The following KIDINS220 variants were observed in gnomAD, a reference collection of about 807,000 sequenced individuals.
KIDINS220 encodes the protein kinase D-interacting substrate of 220 kDa.
A neutral mutation model predicts 157.6 loss-of-function variants in KIDINS220; 63 were observed. The observed-to-expected ratio is 0.40, with a 90% CI of 0.33 to 0.49. KIDINS220 has a LOEUF of 0.49. Ranked by LOEUF, KIDINS220 falls within the 20% of genes least tolerant of loss-of-function variation. KIDINS220 has a pLI of 0.66. For missense variants in KIDINS220, 1,772 were observed against 2,171.2 expected (o/e 0.82, Z 3.65); for synonymous variants, 732 against 783.6 (o/e 0.93, Z 1.10).
In KIDINS220 at chr2:8,814,966, C is replaced by T. The variant is rs140698907; in HGVS notation, c.307-1631G>A. Among the ~76,000 whole-genome samples, 147 of 152,308 alleles carry T rather than the reference C, an allele frequency of 9.7e-4. No individual in the cohort carries two copies. In the East Asian group the frequency reaches 0.018, roughly 19 times the overall value. On this transcript the variant is annotated intron_variant, in intron 4 of 29. Coordinates refer to ENST00000256707, the MANE Select transcript of KIDINS220 (RefSeq NM_020738.4). ...TCTAAAATTACTGATGAGTACTCCT[C>T]TAAAGTGTCAAGGCCACAAAAGACA...
intron 26 of KIDINS220, among the ~76,000 whole-genome samples, chr2:8,744,140 ATAT>A (rs1666017856): frequency 6.9e-6 from 1 of 145,306 alleles, no homozygotes; most frequent in African/African-American, 2.5e-5. Context: ...AATATGTTAT[ATAT>A]TAATATAATT....
In KIDINS220 at chr2:8,813,302, T is replaced by C. The variant is rs1676588489; in HGVS notation, c.340A>G (p.Lys114Glu). ...AACTCTACTACGTCAGTACGGCCTT[T>C]GTAACATGCCCACATAAGAGCTGTC... is the stretch of plus-strand genomic sequence containing the variant. ...GWTALMWACYKGRTDVVELLL... is the reference protein window; with the variant it reads ...GWTALMWACYEGRTDVVELLL... The change falls in exon 5 of 30, where the codon AAA becomes GAA. Residue 114 changes from lysine (K) to glutamate (E), a missense_variant. Transcript: ENST00000256707. 1.2e-6 allele frequency: 2 copies of C among 1,613,332 alleles called. No homozygotes were observed. Among genetic ancestry groups the C allele is most frequent in the African/African-American group, 1.3e-5 (1 of 74,880 alleles).
At chr2:8,808,056 G>A (rs551058365) in intron 6 of KIDINS220, among the ~76,000 whole-genome samples, 3 of 152,118 alleles carry the variant, frequency 2.0e-5, no homozygotes, top group African/African-American at 7.2e-5. Flanking sequence ...CCTAAGAGGT[G>A]GAGGTCGCAA....
Position 8,778,998 on chromosome 2 carries a change from C to T in KIDINS220, c.2512G>A (p.Val838Ile), listed in dbSNP as rs1671341558. ...CTATTAAGGAACACAGGCAAGTGGACTATGTTGCGCATGTAGTCATGGCCA... is the reference window on the plus strand; with the variant it reads ...CTATTAAGGAACACAGGCAAGTGGATTATGTTGCGCATGTAGTCATGGCCA... ...INGHDYMRNI[V>I]HLPVFLNSRG... is the part of the protein sequence containing the mutation. Residue 838 changes from valine to isoleucine, a missense_variant, in exon 19 of 30, where the codon GTC (valine) becomes ATC (isoleucine). Around this residue, in one of 3 missense-constraint regions of KIDINS220, gnomAD observed 725 missense variants for 1,017.1 expected, o/e 0.71. Coordinates refer to ENST00000256707, the MANE Select transcript of KIDINS220 (RefSeq NM_020738.4). 6.2e-7 allele frequency: 1 copy of T among 1,614,122 alleles called. No individual in the cohort carries two copies. Among genetic ancestry groups the T allele is most frequent in the Non-Finnish European group, 8.5e-7 (1 of 1,180,016 alleles).
At chr2:8,747,441 G>T in intron 25 of KIDINS220, 1 of 538,940 alleles carries the variant, frequency 1.9e-6, no homozygotes, top group Non-Finnish European at 3.3e-6. Context: ...ATAGTTCATT[G>T]GAAGAATTTC....
rs1558341425 is a variant in KIDINS220, at chr2:8,750,318, C to T, written c.3208G>A (p.Glu1070Lys). 1 of 1,577,826 alleles carries T rather than the reference C, an allele frequency of 6.3e-7. No homozygotes were observed. The highest frequency in any genetic ancestry group is 8.6e-7 in the Non-Finnish European group (1 of 1,158,396). ...EIIADVRAAR[E>K]QISIGGLAYP... Reference sequence around the variant, plus strand: ...GCCAGTCCTCCAATACTGATCTGCTCTCTGGCAGCACGAACATCTGAAAGA... The same window carrying T: ...GCCAGTCCTCCAATACTGATCTGCTTTCTGGCAGCACGAACATCTGAAAGA... Residue 1070 changes from glutamate (E) to lysine (K), a missense_variant, in exon 24 of 30, where the codon GAG becomes AAG. Glu to Lys is a moderately conservative substitution (Grantham distance 56). Coordinates refer to ENST00000256707, the MANE Select transcript of KIDINS220 (RefSeq NM_020738.4).
At chr2:8,833,713 A>G (rs879338498) in intron 1 of KIDINS220, among the ~76,000 whole-genome samples, 2 of 152,242 alleles carry the variant, frequency 1.3e-5, no homozygotes, top group African/African-American at 2.4e-5. Context: ...TAATGGGAAT[A>G]TAAGGCTATA....
In KIDINS220 at chr2:8,786,239, G is replaced by C. The variant is rs6758815; in HGVS notation, c.1906C>G (p.Leu636Val). ...TCTTCAGTCTTGAATACTCGAAAAA[G>C]CCTGGTTGCCAAAAAGCCAAACTCT... ...EREFGFLATR[L>V]FRVFKTEDTQ... The change falls in exon 16 of 30, where the codon CTT (leucine) becomes GTT (valine). Residue 636 changes from leucine to valine, a missense_variant. Around this residue, in one of 3 missense-constraint regions of KIDINS220, gnomAD observed 725 missense variants for 1,017.1 expected, o/e 0.71. Coordinates refer to ENST00000256707, the MANE Select transcript of KIDINS220 (RefSeq NM_020738.4). 4 of 1,613,948 alleles carry C rather than the reference G, an allele frequency of 2.5e-6. No homozygotes were observed. The East Asian group carries it at 6.7e-5, about 27-fold the overall frequency.
chr2:8,785,906 A>G lies in KIDINS220; in HGVS notation c.2064T>C (p.Thr688=). 4 of 1,614,194 alleles carry G rather than the reference A, an allele frequency of 2.5e-6. No individual in the cohort carries two copies. The African/African-American group carries it at 5.3e-5, about 22-fold the overall frequency. The change falls in exon 17 of 30, where the codon ACT becomes ACC. Residue 688 remains threonine, a synonymous_variant. Coordinates refer to ENST00000256707, the MANE Select transcript of KIDINS220 (RefSeq NM_020738.4). ...CGATTGATATGAGGACAGCATTTAC[A>G]GTCAGATGCTTTGGGTCAACTCTAA... The part of the protein sequence containing the change: ...AIFRVDPKHL[T]VNAVLISIAS...
At chr2:8,820,889 G>A (rs2148410027) in intron 2 of KIDINS220, among the ~76,000 whole-genome samples, 1 of 152,288 alleles carries the variant, frequency 6.6e-6, no homozygotes, top group East Asian at 1.9e-4. Flanking sequence ...CTATAGAACT[G>A]TTCTCCCTTC....
Position 8,788,828 on chromosome 2 carries a change from T to G in KIDINS220, c.1622-16A>C. ...TAAATGACAACTGAAATTCACAGTT[T>G]AAAAAAGTTATCCAAAGCAGTCACT... On this transcript the variant is annotated splice_polypyrimidine_tract_variant and intron_variant, in intron 14 of 29. Transcript: ENST00000256707. The G allele has an allele frequency of 1.9e-6, 3 of 1,610,362 alleles. No individual in the cohort carries two copies. Among genetic ancestry groups the G allele is most frequent in the Non-Finnish European group, 2.5e-6 (3 of 1,178,414 alleles).
intron 14 of KIDINS220, among the ~76,000 whole-genome samples, chr2:8,789,491 T>C (rs2148267470): frequency 6.6e-6 from 1 of 152,234 alleles, no homozygotes; most frequent in African/African-American, 2.4e-5. Flanking sequence ...GGTTTCACCA[T>C]GTCAGCCAGG....
chr2:8,821,252 T>C (rs1388767966), intron 2 of KIDINS220, among the ~76,000 whole-genome samples: 7 of 151,914 alleles, frequency 4.6e-5, no homozygotes, highest in Non-Finnish European at 7.4e-5. Context: ...AATGAAAGAT[T>C]AGAATTGTCA....
chr2:8,773,019 C>A (rs868371546), intron 21 of KIDINS220, among the ~76,000 whole-genome samples: 3 of 152,040 alleles, frequency 2.0e-5, no homozygotes, highest in Non-Finnish European at 4.4e-5. Flanking sequence ...AAATGGAAAA[C>A]ATCACAAAAA....
At chr2:8,789,479 G>A (rs1417748770) in intron 14 of KIDINS220, among the ~76,000 whole-genome samples, 2 of 151,904 alleles carry the variant, frequency 1.3e-5, no homozygotes, top group East Asian at 3.9e-4. Flanking sequence ...TAGTAGAGAC[G>A]GGGTTTCACC....
intron 4 of KIDINS220, among the ~76,000 whole-genome samples, chr2:8,815,658 G>C (rs1164485613): frequency 2.6e-5 from 4 of 152,076 alleles, no homozygotes; most frequent in Non-Finnish European, 4.4e-5. Context: ...AACAGAGCGA[G>C]ACTCCGTCTC....
At chr2:8,792,890 T>C (rs1313343492) in intron 12 of KIDINS220, among the ~76,000 whole-genome samples, 3 of 152,242 alleles carry the variant, frequency 2.0e-5, no homozygotes, top group East Asian at 3.8e-4. Context: ...GCAGCACTAG[T>C]TGTTAGCAAA....
At chr2:8,727,188 C>CCTGAGT (rs377061391), downstream of KIDINS220, 146 of 1,143,872 alleles carry the variant, frequency 1.3e-4, no homozygotes, top group African/African-American at 2.2e-3. Flanking sequence ...AGAGAGCCCA[C>CCTGAGT]CTGAGTCTGC....
At chr2:8,754,509 A>G (rs1169346704) in intron 22 of KIDINS220, among the ~76,000 whole-genome samples, 1 of 152,248 alleles carries the variant, frequency 6.6e-6, no homozygotes, top group African/African-American at 2.4e-5. Context: ...TAAAGTTGCC[A>G]GCAGTTAAAT....
Sources: allele counts gnomAD v4.1 joint callset (sites outside exome capture counted in the v4.1 genomes callset), GRCh38; gene constraint gnomAD v4.1.1; regional missense constraint gnomAD v4.1.1; transcripts MANE v1.5; gene names NCBI Gene and HGNC (gene_info 2026-07-23, HGNC 2026-07-21).